The following SQLE variants were observed in gnomAD, a reference collection of about 807,000 sequenced individuals.
SQLE encodes the protein squalene epoxidase.
SQLE carries 29 observed loss-of-function variants against 60.7 expected under a neutral mutation model. The ratio of observed to expected loss-of-function variants is 0.48; its 90% CI spans 0.36 to 0.65. The LOEUF (loss-of-function observed/expected upper bound fraction) is 0.65. SQLE is among the 30% of genes least tolerant of loss of function. The probability of loss-of-function intolerance (pLI) is 0.00; values close to 1 mark genes in which losing one functional copy is unlikely to be tolerated. For missense variants in SQLE, 605 were observed against 684.1 expected (o/e 0.88, Z 1.29); for synonymous variants, 237 against 246.8 (o/e 0.96, Z 0.37).
chr8:125,021,689 T>C (rs1815207843), intron 10 of SQLE, 64 bp from the exon 11 acceptor site: 1 of 1,214,240 alleles, frequency 8.2e-7, no homozygotes, highest in South Asian at 1.6e-5. Context: ...TTATATGTAA[T>C]TGGAACCTTT....
intron 10 of SQLE, chr8:125,021,079 G>C: frequency 2.0e-6 from 1 of 498,748 alleles, no homozygotes; most frequent in Non-Finnish European, 3.6e-6. Context: ...GGTGGTGGTA[G>C]AGGAAGCTAT....
At position 124,998,947 on chromosome 8, in the gene SQLE, G is replaced by T; in HGVS notation, c.-457G>T. 3.0e-6 allele frequency: 1 copy of T among 330,398 alleles called. No homozygotes were observed. Among genetic ancestry groups the T allele is most frequent in the Admixed American group, 4.9e-5 (1 of 20,370 alleles). The allele number at this position is 330,398 out of a possible 1,614,324, so 20.5% of individuals were successfully genotyped here. On this transcript the variant is annotated 5_prime_UTR_variant, in exon 1 of 11. Transcript: ENST00000265896. Reference sequence around the variant, plus strand: ...CAGAGGCTAGGCCACGTTTCCCCCAGTGCCGAGGTGTTTCTGTGACCCTCC... The same window carrying T: ...CAGAGGCTAGGCCACGTTTCCCCCATTGCCGAGGTGTTTCTGTGACCCTCC...
At chr8:125,021,540 AAGG>A (rs1042174796) in intron 10 of SQLE, among the ~76,000 whole-genome samples, 1 of 125,508 alleles carries the variant, frequency 8.0e-6, no homozygotes, top group Non-Finnish European at 1.6e-5. Flanking sequence ...AAAAAAAAAA[AAGG>A]GGGGTGGGGG....
At chr8:125,007,937 A>G (rs1814980646) in intron 4 of SQLE, among the ~76,000 whole-genome samples, 1 of 152,236 alleles carries the variant, frequency 6.6e-6, no homozygotes, top group African/African-American at 2.4e-5. Context: ...AAACAGTAAT[A>G]TACATCAGCA....
chr8:125,015,082 C>T (rs967759464), intron 7 of SQLE, among the ~76,000 whole-genome samples: 5 of 152,124 alleles, frequency 3.3e-5, no homozygotes, highest in African/African-American at 1.2e-4. Context: ...TATCTGAGTG[C>T]TCCGGTATTG....
Position 124,998,782 on chromosome 8 carries a change from C to G in SQLE, c.-622C>G. On this transcript the variant is annotated 5_prime_UTR_variant, in exon 1 of 11. Coordinates refer to ENST00000265896, the MANE Select transcript of SQLE (RefSeq NM_003129.4). ...TGGAGCCGCACTCTTGAGTCCGAGG[C>G]CATCTTTTGTTGGAGAAGGCGTCGG... 4.1e-6 allele frequency: 2 copies of G among 493,008 alleles called. No homozygotes were observed. Among genetic ancestry groups the G allele is most frequent in the East Asian group, 3.5e-5 (1 of 28,250 alleles). 30.5% of individuals were successfully genotyped at this position (493,008 alleles called of 1,614,324 possible).
At chr8:125,006,956 G>A (rs969963897) in intron 3 of SQLE, among the ~76,000 whole-genome samples, 7 of 152,032 alleles carry the variant, frequency 4.6e-5, no homozygotes, top group African/African-American at 7.2e-5. Flanking sequence ...GCCCACCTTG[G>A]CCTCCCAAAG....
In SQLE at chr8:124,999,200, C is replaced by A. The variant is rs1563594121; in HGVS notation, c.-204C>A. Reference sequence around the variant, plus strand: ...TAAATACTGCTTTCTACGCCCTATACAACTTGGCTTCACATACTTTTACAC... The same window carrying A: ...TAAATACTGCTTTCTACGCCCTATAAAACTTGGCTTCACATACTTTTACAC... On this transcript the variant is annotated 5_prime_UTR_variant, in exon 1 of 11. Coordinates refer to ENST00000265896, the MANE Select transcript of SQLE (RefSeq NM_003129.4). 9.1e-6 allele frequency: 4 copies of A among 439,526 alleles called. No individual in the cohort carries two copies. Among genetic ancestry groups the A allele is most frequent in the Non-Finnish European group, 1.1e-5 (3 of 262,442 alleles). 27.2% of individuals were successfully genotyped at this position (439,526 alleles called of 1,614,324 possible).
rs571812988 is a variant in SQLE at position 125,018,778 on chromosome 8, G to T, written c.1444+51G>T. ...TATTACTCAATTGCAGATTTTTAGC[G>T]TAGGAAAGGAATAAACAAGTTAGTG... On this transcript the variant is annotated intron_variant, in intron 9 of 10. Transcript: ENST00000265896. 18 of 1,205,134 alleles carry T rather than the reference G, an allele frequency of 1.5e-5. 1 individual carries two copies. Among genetic ancestry groups the T allele is most frequent in the Admixed American group, 2.7e-5 (1 of 36,570 alleles). The allele number at this position is 1,205,134 out of a possible 1,614,324, so 74.7% of individuals were successfully genotyped here.
intron 7 of SQLE, 94 bp downstream of exon 7, chr8:125,011,726 A>T: frequency 9.0e-7 from 1 of 1,115,544 alleles, no homozygotes; most frequent in South Asian, 1.4e-5. Flanking sequence ...CTTCTGGGAC[A>T]GATAGTTTGT....
chr8:125,018,293 A>C (rs1274501457), intron 8 of SQLE, 92 bp downstream of exon 8: 1 of 1,307,616 alleles, frequency 7.6e-7, no homozygotes, highest in East Asian at 2.3e-5. Context: ...ATCTGTACTA[A>C]GGAACCTGAT....
chr8:125,020,668 TATTTAA>T (rs1163576407), intron 9 of SQLE, 110 bp from the exon 10 acceptor site: 2 of 651,884 alleles, frequency 3.1e-6, no homozygotes, highest in African/African-American at 3.7e-5. Flanking sequence ...TAGGACTAGA[TATTTAA>T]AAATTATCTG....
Position 124,998,590 on chromosome 8 carries a change from C to T in SQLE, c.-814C>T, listed in dbSNP as rs1814783554. On this transcript the variant is annotated 5_prime_UTR_variant, in exon 1 of 11. Transcript: ENST00000265896. ...CGCGCCGCGCTGGCGAGAGCCGCCG[C>T]CCGCGAGGGATGCTGGTGAGGAAGC... 1.5e-6 allele frequency: 1 copy of T among 685,948 alleles called. No individual in the cohort carries two copies. The highest frequency in any genetic ancestry group is 2.6e-6 in the Non-Finnish European group (1 of 377,442). The allele number at this position is 685,948 out of a possible 1,614,324, so 42.5% of individuals were successfully genotyped here.
At chr8:125,019,779 A>G (rs1815172689) in intron 9 of SQLE, among the ~76,000 whole-genome samples, 1 of 152,172 alleles carries the variant, frequency 6.6e-6, no homozygotes, top group South Asian at 2.1e-4. Context: ...CCCTAGTGAT[A>G]AGTGCTGTGG....
At chr8:125,015,288 A>G (rs1443673297) in intron 7 of SQLE, among the ~76,000 whole-genome samples, 1 of 151,826 alleles carries the variant, frequency 6.6e-6, no homozygotes, top group African/African-American at 2.4e-5. Context: ...TTGTGGCTTT[A>G]TAGGTGAAGT....
intron 6 of SQLE, 60 bp downstream of exon 6, chr8:125,009,403 G>C: frequency 6.9e-7 from 1 of 1,439,988 alleles, no homozygotes; most frequent in Non-Finnish European, 9.4e-7. Flanking sequence ...CAGAGATAAG[G>C]ATGGCAGGTG....
chr8:125,005,739 A>G (rs1184253854), intron 3 of SQLE, 34 bp downstream of exon 3: 12 of 1,473,000 alleles, frequency 8.1e-6, no homozygotes, highest in Non-Finnish European at 1.0e-5. Flanking sequence ...TAATTACTAA[A>G]GAATCAATGC....
chr8:124,998,690 G>T lies in SQLE; in HGVS notation c.-714G>T, dbSNP rs1814787613. The T allele has an allele frequency of 1.6e-6, 1 of 640,554 alleles. No homozygotes were observed. Among genetic ancestry groups the T allele is most frequent in the Non-Finnish European group, 2.8e-6 (1 of 352,166 alleles). The allele number at this position is 640,554 out of a possible 1,614,324, so 39.7% of individuals were successfully genotyped here. A position where few individuals can be genotyped will look rare whatever the true frequency, so the allele number is the denominator to read the frequency against. ...TTTATCGGTGGGGAAGTGCAGTCGCGGTGGGCGGCTCTGGGGGCCAGCGAA... is the reference window on the plus strand; with the variant it reads ...TTTATCGGTGGGGAAGTGCAGTCGCTGTGGGCGGCTCTGGGGGCCAGCGAA... On this transcript the variant is annotated 5_prime_UTR_variant, in exon 1 of 11. Transcript: ENST00000265896.
At chr8:125,002,064 C>T (rs998070733) in intron 1 of SQLE, among the ~76,000 whole-genome samples, 3 of 152,178 alleles carry the variant, frequency 2.0e-5, no homozygotes, top group African/African-American at 7.2e-5. Flanking sequence ...TCAGTTCAGC[C>T]AGTGACAGGT....
Sources: allele counts gnomAD v4.1 joint callset (sites outside exome capture counted in the v4.1 genomes callset), GRCh38; gene constraint gnomAD v4.1.1; transcripts MANE v1.5; gene names NCBI Gene and HGNC (gene_info 2026-07-23, HGNC 2026-07-21).